CNTN6: variants seen among roughly 807,000 people sequenced by gnomAD.
CNTN6 encodes contactin-6.
Under a neutral mutation model 122.8 loss-of-function variants are expected in CNTN6, and 137 were observed. The ratio of observed to expected loss-of-function variants is 1.12; its 90% CI spans 0.97 to 1.29. CNTN6 has a LOEUF of 1.29. Among genes scored for constraint, CNTN6 ranks in the 50% most tolerant of loss-of-function variants. The pLI, the probability that CNTN6 is intolerant of heterozygous loss-of-function variation, is 0.00. For missense variants in CNTN6, 1,634 were observed against 1,223.4 expected (o/e 1.34, Z -5.01); for synonymous variants, 570 against 426.0 (o/e 1.34, Z -4.16).
intron 2 of CNTN6, among the ~76,000 whole-genome samples, chr3:1,199,286 T>C (rs13075252): frequency 0.13 from 20,196 of 151,308 alleles, 1,476 homozygotes; most frequent in African/African-American, 0.19. Flanking sequence ...TCCAGGTGAT[T>C]CTCTCACCTC....
chr3:1,366,566 C>A (rs1418335927), intron 12 of CNTN6, among the ~76,000 whole-genome samples: 1 of 152,070 alleles, frequency 6.6e-6, no homozygotes, highest in African/African-American at 2.4e-5. Flanking sequence ...CCTCTTCTTT[C>A]CACAAAGTAG....
At chr3:1,302,674 A>T (rs1282188866) in intron 7 of CNTN6, among the ~76,000 whole-genome samples, 1 of 152,158 alleles carries the variant, frequency 6.6e-6, no homozygotes, top group Non-Finnish European at 1.5e-5. Context: ...ACATGTGCTC[A>T]CATAACTAGG....
chr3:1,181,347 C>T (rs1289849530), intron 2 of CNTN6, among the ~76,000 whole-genome samples: 1 of 152,092 alleles, frequency 6.6e-6, no homozygotes, highest in African/African-American at 2.4e-5. Context: ...ATAAAGGTCA[C>T]AGAAAAAGGA....
chr3:1,243,345 C>T (rs1195054776), intron 4 of CNTN6, among the ~76,000 whole-genome samples: 1 of 152,120 alleles, frequency 6.6e-6, no homozygotes, highest in Non-Finnish European at 1.5e-5. Flanking sequence ...TTCTTGTGTG[C>T]TGGAGATGTG....
chr3:1,228,885 A>C (rs933580095), intron 4 of CNTN6, among the ~76,000 whole-genome samples: 2 of 152,140 alleles, frequency 1.3e-5, no homozygotes, highest in Non-Finnish European at 2.9e-5. Flanking sequence ...TACATGAATT[A>C]ATAACTGGGT....
At chr3:1,327,625 G>T in intron 10 of CNTN6, 39 bp downstream of exon 10, 1 of 1,596,950 alleles carries the variant, frequency 6.3e-7, no homozygotes, top group Non-Finnish European at 8.5e-7. Flanking sequence ...TCAAAATGAC[G>T]TTTTAACAAG....
rs555386260 is a variant in CNTN6 at position 1,352,230 on chromosome 3, A to G, written c.1365-94A>G. The G allele has an allele frequency of 2.3e-5, 27 of 1,163,318 alleles. No individual in the cohort carries two copies. The African/African-American group carries it at 4.1e-4, about 18-fold the overall frequency. The allele number at this position is 1,163,318 out of a possible 1,614,324, so 72.1% of individuals were successfully genotyped here. Reference sequence around the variant, plus strand: ...AAAATTCATATTATCACATACACCCATGATTTTAGTAAAGTTTTAAAATAA... The same window carrying G: ...AAAATTCATATTATCACATACACCCGTGATTTTAGTAAAGTTTTAAAATAA... On this transcript the variant is annotated intron_variant, in intron 11 of 22. Transcript: ENST00000446702.
intron 5 of CNTN6, among the ~76,000 whole-genome samples, chr3:1,294,935 T>C (rs1229334940): frequency 6.6e-6 from 1 of 152,136 alleles, no homozygotes; most frequent in Non-Finnish European, 1.5e-5. Flanking sequence ...GACCTAAAAC[T>C]GTCACAGAAT....
intron 11 of CNTN6, among the ~76,000 whole-genome samples, chr3:1,345,468 C>G (rs1024589610): frequency 8.6e-5 from 13 of 152,010 alleles, no homozygotes; most frequent in African/African-American, 2.4e-4. Context: ...AAAGGACAAC[C>G]TTTATTTTGA....
intron 7 of CNTN6, 61 bp downstream of exon 7, chr3:1,298,052 C>A: frequency 8.1e-7 from 1 of 1,233,874 alleles, no homozygotes. Context: ...TATTAAAAAC[C>A]TTTTTGTTAT....
Position 1,119,430 on chromosome 3 carries a change from C to A in CNTN6, c.-83+26310C>A, listed in dbSNP as rs548089702. Among the ~76,000 whole-genome samples the A allele has an allele frequency of 1.6e-4, 24 of 149,214 alleles. 1 individual carries two copies. The South Asian group carries it at 5.1e-3, about 32-fold the overall frequency. Reference sequence around the variant, plus strand: ...ACTCTATGATTACCATATTTTTATACATAGTCAGATACATATAGGTTCATA... The same window carrying A: ...ACTCTATGATTACCATATTTTTATAAATAGTCAGATACATATAGGTTCATA... On this transcript the variant is annotated intron_variant, in intron 1 of 22. Coordinates refer to ENST00000446702, the MANE Select transcript of CNTN6 (RefSeq NM_001289080.2).
rs115675394 is a variant in CNTN6 at position 1,328,082 on chromosome 3, G to C, written c.1213+496G>C. 4.2e-3 allele frequency among the ~76,000 whole-genome samples: 631 copies of C among 151,032 alleles called. 4 individuals carry two copies. The highest frequency in any genetic ancestry group is 0.015 in the African/African-American group (604 of 41,298). ...TGGCTGCTCTAGTTATAGAAATCAA[G>C]TCTATGCTCAAGGCAGAAGAGCGAG... On this transcript the variant is annotated intron_variant, in intron 10 of 22. Transcript: ENST00000446702.
chr3:1,217,220 G>A (rs1459342897), intron 2 of CNTN6, among the ~76,000 whole-genome samples: 2 of 152,138 alleles, frequency 1.3e-5, no homozygotes. Context: ...AGTCTGACCT[G>A]AGTGGTCTGT....
intron 5 of CNTN6, among the ~76,000 whole-genome samples, chr3:1,289,732 G>A (rs558669844): frequency 2.0e-5 from 3 of 150,438 alleles, no homozygotes; most frequent in African/African-American, 7.4e-5. Flanking sequence ...TGGAGGGCAG[G>A]GGCGCGATCT....
chr3:1,241,985 C>T (rs867018946), intron 4 of CNTN6, among the ~76,000 whole-genome samples: 27 of 152,100 alleles, frequency 1.8e-4, no homozygotes, highest in Non-Finnish European at 2.6e-4. Flanking sequence ...GTAAGAATTC[C>T]GACCATGCTA....
intron 11 of CNTN6, among the ~76,000 whole-genome samples, chr3:1,350,668 A>G (rs1390737955): frequency 6.6e-6 from 1 of 151,824 alleles, no homozygotes; most frequent in African/African-American, 2.4e-5. Context: ...GTGAAAAATT[A>G]TATGAAATAT....
intron 4 of CNTN6, among the ~76,000 whole-genome samples, chr3:1,242,828 G>A (rs1243857384): frequency 6.7e-6 from 1 of 149,310 alleles, no homozygotes; most frequent in African/African-American, 2.5e-5. Context: ...GTCCATAAAA[G>A]AGTGCTGTCC....
At chr3:1,311,497 A>T (rs569239039) in intron 7 of CNTN6, among the ~76,000 whole-genome samples, 32 of 131,666 alleles carry the variant, frequency 2.4e-4, no homozygotes, top group Non-Finnish European at 3.9e-4. Flanking sequence ...ATGTACATAT[A>T]TGTACATATA....
At chr3:1,359,100 C>T (rs1024493440) in intron 12 of CNTN6, among the ~76,000 whole-genome samples, 1 of 151,926 alleles carries the variant, frequency 6.6e-6, no homozygotes, top group African/African-American at 2.4e-5. Context: ...TTGTATAATT[C>T]GCTACAGCCA....
Sources: gnomAD v4.1 joint callset for allele counts (sites outside exome capture counted in the v4.1 genomes callset) on GRCh38, gnomAD v4.1.1 for gene constraint, MANE v1.5 for transcripts, NCBI Gene and HGNC (gene_info 2026-07-23, HGNC 2026-07-21) for gene names.